Variants in RARB observed in about 807,000 individuals in gnomAD.
The protein encoded by RARB is retinoic acid receptor beta.
A neutral mutation model predicts 51.9 loss-of-function variants in RARB; 17 were observed. That is an observed-to-expected ratio of 0.33 (90% CI 0.22 to 0.49). The LOEUF (loss-of-function observed/expected upper bound fraction) is 0.49. Ranked by LOEUF, RARB falls within the 20% of genes least tolerant of loss-of-function variation. RARB has a pLI of 0.99. For synonymous variants in RARB, 215 were observed against 195.4 expected (o/e 1.10, Z -0.84); for missense variants, 369 against 550.8 (o/e 0.67, Z 3.30).
intron 2 of RARB, among the ~76,000 whole-genome samples, chr3:24,891,419 T>C (rs979571066): frequency 1.3e-5 from 2 of 152,114 alleles, no homozygotes; most frequent in African/African-American, 4.8e-5. Flanking sequence ...ATCTCCGAAA[T>C]GGGAAGAATC....
At chr3:25,221,031 C>CAG (rs397769997) in intron 5 of RARB, among the ~76,000 whole-genome samples, 1 of 151,776 alleles carries the variant, frequency 6.6e-6, no homozygotes, top group Non-Finnish European at 1.5e-5. Flanking sequence ...CACACACACA[C>CAG]TCAACACCTT....
chr3:24,902,454 C>T (rs1038926141), intron 2 of RARB, among the ~76,000 whole-genome samples: 1 of 152,088 alleles, frequency 6.6e-6, no homozygotes, highest in Admixed American at 6.6e-5. Context: ...AGAGTTTTCA[C>T]CCTCCCAAAT....
At chr3:24,883,494 G>A (rs529156803) in intron 2 of RARB, among the ~76,000 whole-genome samples, 4 of 152,032 alleles carry the variant, frequency 2.6e-5, no homozygotes, top group East Asian at 1.9e-4. Context: ...AAGAAAGAGG[G>A]CAAAGCAGGA....
At chr3:25,211,259 G>A (rs376919383) in intron 5 of RARB, among the ~76,000 whole-genome samples, 2 of 152,166 alleles carry the variant, frequency 1.3e-5, no homozygotes, top group East Asian at 3.8e-4. Flanking sequence ...AATCCTAAAA[G>A]TGAACTGACA....
intron 2 of RARB, among the ~76,000 whole-genome samples, chr3:24,911,456 A>G (rs149342323): frequency 1.2e-3 from 184 of 152,368 alleles, no homozygotes; most frequent in African/African-American, 4.2e-3. Flanking sequence ...TTTCTGTTGC[A>G]TATGTACAGA....
chr3:25,589,877 T>C (rs1397912341), intron 5 of RARB, among the ~76,000 whole-genome samples: 1 of 152,154 alleles, frequency 6.6e-6, no homozygotes, highest in Non-Finnish European at 1.5e-5. Context: ...TGCCTTCCTT[T>C]CAAACAAAGA....
chr3:25,374,997 C>G (rs1319183456), intron 5 of RARB, among the ~76,000 whole-genome samples: 2 of 152,064 alleles, frequency 1.3e-5, no homozygotes, highest in Non-Finnish European at 2.9e-5. Context: ...GTGCAAGATG[C>G]ACTGATCATC....
intron 2 of RARB, among the ~76,000 whole-genome samples, chr3:24,868,122 G>A (rs184238488): frequency 3.3e-5 from 5 of 152,240 alleles, no homozygotes; most frequent in Non-Finnish European, 5.9e-5. Flanking sequence ...GGCTGTGTTA[G>A]CACTTACTCT....
At chr3:25,273,416 A>G (rs1703299607) in intron 5 of RARB, among the ~76,000 whole-genome samples, 1 of 152,200 alleles carries the variant, frequency 6.6e-6, no homozygotes, top group Admixed American at 6.5e-5. Context: ...TTATCATGAC[A>G]TTCTAATCCG....
chr3:25,567,228 G>C (rs1700532857), intron 3 of RARB, among the ~76,000 whole-genome samples: 1 of 152,186 alleles, frequency 6.6e-6, no homozygotes, highest in Admixed American at 6.5e-5. Flanking sequence ...AAGTTGTGCA[G>C]CCTTCACCAG....
At chr3:25,070,458 G>C (rs189984452) in intron 3 of RARB, among the ~76,000 whole-genome samples, 4 of 152,224 alleles carry the variant, frequency 2.6e-5, no homozygotes, top group Middle Eastern at 3.4e-3. Flanking sequence ...AGTTCAATAA[G>C]CACTTAACTA....
chr3:25,237,648 T>G (rs1160610360), intron 5 of RARB, among the ~76,000 whole-genome samples: 2 of 152,128 alleles, frequency 1.3e-5, no homozygotes, highest in East Asian at 3.8e-4. Context: ...GTTTAATTTA[T>G]TAAGTTAGAC....
At chr3:25,525,154 G>C (rs1698592692) in intron 3 of RARB, among the ~76,000 whole-genome samples, 1 of 152,176 alleles carries the variant, frequency 6.6e-6, no homozygotes, top group Non-Finnish European at 1.5e-5. Flanking sequence ...CTCTTCAAAA[G>C]TCCATATGTT....
chr3:25,110,606 T>A (rs1028584176), intron 3 of RARB, among the ~76,000 whole-genome samples: 1 of 152,224 alleles, frequency 6.6e-6, no homozygotes, highest in African/African-American at 2.4e-5. Flanking sequence ...TCAATAACTT[T>A]AGTTTAGTCC....
chr3:25,474,264 G>A (rs1695845978), intron 2 of RARB, among the ~76,000 whole-genome samples: 1 of 152,006 alleles, frequency 6.6e-6, no homozygotes, highest in Admixed American at 6.5e-5. Flanking sequence ...TATTCCTCAG[G>A]GAAATGAGAA....
chr3:25,197,461 G>C (rs1438645546), intron 5 of RARB, among the ~76,000 whole-genome samples: 1 of 151,724 alleles, frequency 6.6e-6, no homozygotes, highest in East Asian at 1.9e-4. Context: ...CAATAAGACA[G>C]TAGAAAGAAA....
At chr3:25,050,422 G>A (rs1222390426) in intron 2 of RARB, among the ~76,000 whole-genome samples, 1 of 151,490 alleles carries the variant, frequency 6.6e-6, no homozygotes, top group Non-Finnish European at 1.5e-5. Flanking sequence ...CTTCTCAAAA[G>A]GCTCATGATT....
intron 5 of RARB, among the ~76,000 whole-genome samples, chr3:25,183,863 T>C (rs953550851): frequency 6.6e-6 from 1 of 152,128 alleles, no homozygotes; most frequent in Non-Finnish European, 1.5e-5. Flanking sequence ...GCTAATTTTG[T>C]TATGTAATTA....
chr3:25,495,036 G>A (rs1444842926), intron 2 of RARB, among the ~76,000 whole-genome samples: 1 of 152,102 alleles, frequency 6.6e-6, no homozygotes, highest in Non-Finnish European at 1.5e-5. Context: ...ACTCACTTAA[G>A]GTCATACAGA....
Sources: gnomAD v4.1 joint callset for allele counts (sites outside exome capture counted in the v4.1 genomes callset) on GRCh38, gnomAD v4.1.1 for gene constraint, MANE v1.5 for transcripts, NCBI Gene and HGNC (gene_info 2026-07-23, HGNC 2026-07-21) for gene names.